Variants in SH3BGRL2 observed in about 807,000 individuals in gnomAD.
SH3BGRL2 encodes the protein SH3 domain-binding glutamic acid-rich-like protein 2.
In SH3BGRL2, 21 loss-of-function variants were observed where a neutral mutation model predicts 14.8. That is an observed-to-expected ratio of 1.42 (90% CI 1.01 to 2.05). The LOEUF (loss-of-function observed/expected upper bound fraction) is 2.05. SH3BGRL2 is among the 30% of genes most tolerant of loss of function. SH3BGRL2 has a pLI of 0.00. For synonymous variants in SH3BGRL2, 50 were observed against 47.8 expected (o/e 1.05, Z -0.19); for missense variants, 147 against 130.8 (o/e 1.12, Z -0.61).
the SH3BGRL2 span, among the ~76,000 whole-genome samples, chr6:79,592,004 G>C: frequency 6.6e-6 from 1 of 152,092 alleles, no homozygotes; most frequent in African/African-American, 2.4e-5. Context: ...TGCACAGCCC[G>C]AGAAAGTGCT....
chr6:79,667,264 G>C (rs879324056), intron 1 of SH3BGRL2, among the ~76,000 whole-genome samples: 4 of 152,180 alleles, frequency 2.6e-5, no homozygotes, highest in Non-Finnish European at 5.9e-5. Flanking sequence ...ATTGGTTACA[G>C]CTTGGCGCTT....
At chr6:79,678,566 G>A in intron 2 of SH3BGRL2, among the ~76,000 whole-genome samples, 1 of 151,972 alleles carries the variant, frequency 6.6e-6, no homozygotes, top group East Asian at 1.9e-4. Flanking sequence ...TTCACCTCTT[G>A]GCTATTGTGA....
In SH3BGRL2 at chr6:79,673,600, T is replaced by C; in HGVS notation, c.46-14T>C. 6.2e-7 allele frequency: 1 copy of C among 1,612,664 alleles called. No individual in the cohort carries two copies. Among genetic ancestry groups the C allele is most frequent in the Admixed American group, 1.7e-5 (1 of 59,820 alleles). On this transcript the variant is annotated splice_polypyrimidine_tract_variant and intron_variant, in intron 1 of 3. Transcript: ENST00000369838. ...ATAAGCGTATCTACTTATTTGTTTGTCTTCTCTCTTTAGATAAAGAAGAAG... is the reference window on the plus strand; with the variant it reads ...ATAAGCGTATCTACTTATTTGTTTGCCTTCTCTCTTTAGATAAAGAAGAAG...
At chr6:79,655,032 G>A (rs181808229) in intron 1 of SH3BGRL2, among the ~76,000 whole-genome samples, 5 of 152,208 alleles carry the variant, frequency 3.3e-5, no homozygotes, top group Admixed American at 6.5e-5. Context: ...ATGTTTACAC[G>A]CAAAACTCTT....
chr6:79,559,795 C>T, the SH3BGRL2 span, among the ~76,000 whole-genome samples: 1 of 152,100 alleles, frequency 6.6e-6, no homozygotes, highest in Non-Finnish European at 1.5e-5. Context: ...TATGCAACTT[C>T]CTCTCAGATG....
chr6:79,621,733 C>T, the SH3BGRL2 span, among the ~76,000 whole-genome samples: 4 of 152,192 alleles, frequency 2.6e-5, no homozygotes, highest in South Asian at 2.1e-4. Flanking sequence ...GACCTTAACC[C>T]GTCGTGGCTC....
chr6:79,695,870 ATG>A (rs1194469888), intron 2 of SH3BGRL2, among the ~76,000 whole-genome samples: 1 of 152,244 alleles, frequency 6.6e-6, no homozygotes, highest in Non-Finnish European at 1.5e-5. Flanking sequence ...GAATTCCTTG[ATG>A]CCTTCTTGTG....
chr6:79,619,474 T>C, the SH3BGRL2 span, among the ~76,000 whole-genome samples: 1 of 152,180 alleles, frequency 6.6e-6, no homozygotes, highest in Non-Finnish European at 1.5e-5. Context: ...AAACAAGTGG[T>C]TTAGTTTATA....
intron 1 of SH3BGRL2, among the ~76,000 whole-genome samples, chr6:79,640,560 T>A (rs1035472645): frequency 3.3e-5 from 5 of 152,160 alleles, no homozygotes; most frequent in Non-Finnish European, 7.4e-5. Context: ...TTGTTACTAT[T>A]GACAGCTTAT....
intron 1 of SH3BGRL2, among the ~76,000 whole-genome samples, chr6:79,644,836 G>GA (rs1175513970): frequency 6.6e-6 from 1 of 151,934 alleles, no homozygotes; most frequent in Non-Finnish European, 1.5e-5. Context: ...TTTAATTAAG[G>GA]AAAAAATAAT....
At chr6:79,589,913 A>C in the SH3BGRL2 span, among the ~76,000 whole-genome samples, 1 of 152,072 alleles carries the variant, frequency 6.6e-6, no homozygotes, top group Non-Finnish European at 1.5e-5. Flanking sequence ...CCGTGACTAC[A>C]GGCGTGTACC....
chr6:79,617,533 A>G, the SH3BGRL2 span, among the ~76,000 whole-genome samples: 1 of 152,182 alleles, frequency 6.6e-6, no homozygotes, highest in Admixed American at 6.5e-5. Context: ...TCAAGACCCA[A>G]TCAAGTTTTA....
intron 1 of SH3BGRL2, among the ~76,000 whole-genome samples, chr6:79,656,117 G>A (rs1402775495): frequency 2.0e-5 from 3 of 152,258 alleles, no homozygotes; most frequent in African/African-American, 4.8e-5. Context: ...TAGCTTTTCT[G>A]TGTAAAGTGG....
the SH3BGRL2 span, among the ~76,000 whole-genome samples, chr6:79,546,522 T>C: frequency 1.3e-5 from 2 of 152,086 alleles, no homozygotes; most frequent in East Asian, 1.9e-4. Context: ...GGTCTGTGTA[T>C]GGAAAGAAGG....
At chr6:79,699,269 G>A (rs769614489) in intron 3 of SH3BGRL2, among the ~76,000 whole-genome samples, 5 of 151,962 alleles carry the variant, frequency 3.3e-5, no homozygotes, top group Admixed American at 6.6e-5. Flanking sequence ...GAAAACATGC[G>A]GCTTTCTTTC....
chr6:79,650,876 A>G (rs1048665595), intron 1 of SH3BGRL2, among the ~76,000 whole-genome samples: 2 of 150,158 alleles, frequency 1.3e-5, no homozygotes, highest in Non-Finnish European at 3.0e-5. Flanking sequence ...AACTAATTAT[A>G]TAAGGATAAA....
the SH3BGRL2 span, among the ~76,000 whole-genome samples, chr6:79,586,235 CTTTTTTTTTTTTTTTT>C: frequency 7.3e-5 from 4 of 54,962 alleles, no homozygotes; most frequent in Non-Finnish European, 9.4e-5. Flanking sequence ...GTATGGACTT[CTTTTTTTTTTTTTTTT>C]TTTTTTTTTT....
intron 2 of SH3BGRL2, 105 bp downstream of exon 2, chr6:79,673,904 C>T (rs1338251304): frequency 7.8e-6 from 9 of 1,160,536 alleles, no homozygotes; most frequent in African/African-American, 1.5e-5. Flanking sequence ...CTTCTTCACC[C>T]AATGCCCATT....
At chr6:79,570,763 C>T in the SH3BGRL2 span, among the ~76,000 whole-genome samples, 4 of 152,096 alleles carry the variant, frequency 2.6e-5, no homozygotes, top group African/African-American at 4.8e-5. Context: ...GGTTCACTGC[C>T]TTAGCAGTGG....
Sources: gnomAD v4.1 joint callset for allele counts (sites outside exome capture counted in the v4.1 genomes callset) on GRCh38, gnomAD v4.1.1 for gene constraint, MANE v1.5 for transcripts, NCBI Gene and HGNC (gene_info 2026-07-23, HGNC 2026-07-21) for gene names.